Variants in ANXA11 observed in about 807,000 individuals in gnomAD.
The protein encoded by ANXA11 is annexin A11.
Under a neutral mutation model 64.7 loss-of-function variants are expected in ANXA11, and 57 were observed. The ratio of observed to expected loss-of-function variants is 0.88; its 90% confidence interval spans 0.71 to 1.10. The LOEUF is 1.10. Ranked by LOEUF, ANXA11 falls within the 50% of genes least tolerant of loss-of-function variation. ANXA11 has a pLI of 0.00. For missense variants in ANXA11, 675 were observed against 670.7 expected (o/e 1.01, Z -0.07); for synonymous variants, 260 against 265.2 (o/e 0.98, Z 0.19).
intron 12 of ANXA11, among the ~76,000 whole-genome samples, chr10:80,160,428 G>A (rs910947703): frequency 2.6e-5 from 4 of 152,152 alleles, no homozygotes; most frequent in African/African-American, 9.7e-5. Flanking sequence ...TCACAGCTGC[G>A]AATGGGGAGA....
intron 1 of ANXA11, among the ~76,000 whole-genome samples, chr10:80,195,512 G>A (rs1259810646): frequency 6.6e-6 from 1 of 152,182 alleles, no homozygotes; most frequent in East Asian, 1.9e-4. Flanking sequence ...ATGGAGAGAA[G>A]CACAAAAAAT....
rs781488814 is a variant in ANXA11 at position 80,162,076 on chromosome 10, C to T, written c.1087-48G>A. Reference sequence around the variant, plus strand: ...ATGTGGCACAGGCCACACCCAGACCCCAGGCCCAGGTCACCCAGGAGAGCC... The same window carrying T: ...ATGTGGCACAGGCCACACCCAGACCTCAGGCCCAGGTCACCCAGGAGAGCC... On this transcript the variant is annotated intron_variant, in intron 11 of 15. Coordinates refer to ENST00000422982, the MANE Select transcript of ANXA11 (RefSeq NM_145868.2). 1.0e-5 allele frequency: 15 copies of T among 1,496,064 alleles called. No individual in the cohort carries two copies. The Admixed American group carries it at 2.1e-4, about 21-fold the overall frequency. 92.7% of individuals were successfully genotyped at this position (1,496,064 alleles called of 1,614,324 possible).
At chr10:80,158,127 C>T in intron 13 of ANXA11, 102 bp from the exon 14 acceptor site, 1 of 1,016,470 alleles carries the variant, frequency 9.8e-7, no homozygotes, top group Non-Finnish European at 1.5e-6. Flanking sequence ...GATGTCAAAC[C>T]CATCACTGCA....
At chr10:80,200,351 C>T (rs1009186409) in intron 1 of ANXA11, among the ~76,000 whole-genome samples, 3 of 152,184 alleles carry the variant, frequency 2.0e-5, no homozygotes, top group Non-Finnish European at 2.9e-5. Flanking sequence ...AATTTTAAGA[C>T]TGTAAAGAAA....
chr10:80,166,832 G>A, intron 7 of ANXA11, 58 bp downstream of exon 7: 1 of 1,323,992 alleles, frequency 7.6e-7, no homozygotes. Context: ...GGGGAGAGCA[G>A]GGCTGTGCTG....
chr10:80,166,016 G>T, intron 8 of ANXA11, 68 bp downstream of exon 8: 1 of 998,470 alleles, frequency 1.0e-6, no homozygotes, highest in Non-Finnish European at 1.5e-6. Flanking sequence ...GTGTCCACAC[G>T]CATGCGCGCG....
In ANXA11 at chr10:80,170,868, G is replaced by C. The variant is rs147346614; in HGVS notation, c.103C>G (p.Pro35Ala). 52 of 1,551,138 alleles carry C rather than the reference G, an allele frequency of 3.4e-5. 1 individual carries two copies. The African/African-American group carries it at 5.8e-4, about 17-fold the overall frequency. ...GAAYPPPPSM[P>A]PIGLDNVATY... The stretch of plus-strand genomic sequence containing the variant: ...GCCACGTTATCCAGCCCGATGGGGG[G>C]CATGCTGGGCGGAGGAGGGTAGGCA... Residue 35 changes from proline to alanine, a missense_variant, in exon 4 of 16, where the codon CCC (proline) becomes GCC (alanine). Pro to Ala is a conservative substitution (Grantham distance 27). Coordinates refer to ENST00000422982, the MANE Select transcript of ANXA11 (RefSeq NM_145868.2).
chr10:80,171,947 T>C, intron 3 of ANXA11: 1 of 982,926 alleles, frequency 1.0e-6, no homozygotes, highest in Non-Finnish European at 1.2e-6. Context: ...GGACAGCAGC[T>C]GAGCCACCTC....
intron 1 of ANXA11, among the ~76,000 whole-genome samples, chr10:80,184,019 G>A (rs1319212101): frequency 4.6e-5 from 7 of 152,128 alleles, no homozygotes; most frequent in Non-Finnish European, 1.0e-4. Flanking sequence ...AATAATGGTC[G>A]ACTTTTTTCA....
chr10:80,188,760 A>G (rs1846649308), intron 1 of ANXA11, among the ~76,000 whole-genome samples: 2 of 152,168 alleles, frequency 1.3e-5, no homozygotes, highest in Non-Finnish European at 2.9e-5. Context: ...GGACACAGTT[A>G]TCTTCACTCT....
At chr10:80,202,956 G>A (rs1304163134) in intron 1 of ANXA11, among the ~76,000 whole-genome samples, 1 of 146,216 alleles carries the variant, frequency 6.8e-6, no homozygotes, top group Non-Finnish European at 1.5e-5. Flanking sequence ...CAAGGGAGGA[G>A]AATCATTTAA....
At chr10:80,157,239 C>T in intron 15 of ANXA11, 1 of 985,406 alleles carries the variant, frequency 1.0e-6, no homozygotes, top group Non-Finnish European at 1.2e-6. Context: ...TCTGAACGGC[C>T]TTACTATGTG....
At chr10:80,201,535 C>A (rs1035457841) in intron 1 of ANXA11, among the ~76,000 whole-genome samples, 2 of 152,168 alleles carry the variant, frequency 1.3e-5, no homozygotes, top group Non-Finnish European at 2.9e-5. Context: ...TCTTCATCCT[C>A]CAAACCTGGT....
rs371827409 is a variant in ANXA11 at position 80,166,880 on chromosome 10, C to T, written c.744+10G>A. 7.3e-5 allele frequency: 116 copies of T among 1,597,052 alleles called. No homozygotes were observed. The highest frequency in any genetic ancestry group is 9.4e-5 in the African/African-American group (7 of 74,460). On this transcript the variant is annotated intron_variant, in intron 7 of 15. Transcript: ENST00000422982. Reference sequence around the variant, plus strand: ...GCCTCACTGTCCCGCGCCCCCACCCCGCAGCTCGCCTTGCCGTAAGCCGTC... The same window carrying T: ...GCCTCACTGTCCCGCGCCCCCACCCTGCAGCTCGCCTTGCCGTAAGCCGTC...
rs552896376 is a variant in ANXA11 at position 80,163,267 on chromosome 10, C to G, written c.1086+82G>C. The G allele has an allele frequency of 3.7e-5, 57 of 1,520,578 alleles. No individual in the cohort carries two copies. In the South Asian group the frequency reaches 5.6e-4, roughly 15 times the overall value. 94.2% of individuals were successfully genotyped at this position (1,520,578 alleles called of 1,614,324 possible). On this transcript the variant is annotated intron_variant, in intron 11 of 15. Coordinates refer to ENST00000422982, the MANE Select transcript of ANXA11 (RefSeq NM_145868.2). Reference sequence around the variant, plus strand: ...ACTGCTTATCTATTGTTCTTTCCACCCTAGGGTACCTCTCTCAGGAAGCAA... The same window carrying G: ...ACTGCTTATCTATTGTTCTTTCCACGCTAGGGTACCTCTCTCAGGAAGCAA...
Position 80,170,964 on chromosome 10 carries a change from C to CG in ANXA11, c.56-50dup, listed in dbSNP as rs1845949659. Reference sequence around the variant, plus strand: ...AGCCCCCTGCCAGTCCCCCACCACACGGGGAAAGGCAGAGATGAGAGCTCC... The same window carrying CG: ...AGCCCCCTGCCAGTCCCCCACCACACGGGGGAAAGGCAGAGATGAGAGCTCC... On this transcript the variant is annotated intron_variant, in intron 3 of 15. Coordinates refer to ENST00000422982, the MANE Select transcript of ANXA11 (RefSeq NM_145868.2). 3.9e-6 allele frequency: 6 copies of CG among 1,549,598 alleles called. No individual in the cohort carries two copies. In the East Asian group the frequency reaches 1.2e-4, roughly 31 times the overall value.
intron 13 of ANXA11, among the ~76,000 whole-genome samples, chr10:80,158,493 A>T (rs1845369173): frequency 6.6e-6 from 1 of 152,128 alleles, no homozygotes; most frequent in African/African-American, 2.4e-5. Flanking sequence ...AGGATTTTCC[A>T]TCTCTCCCAT....
chr10:80,166,391 G>A (rs1362356456), intron 7 of ANXA11, 194 bp from the exon 8 acceptor site: 2 of 553,688 alleles, frequency 3.6e-6, no homozygotes, highest in Non-Finnish European at 6.4e-6. Context: ...ATTTTACCAA[G>A]ATGCCCAGGG....
chr10:80,156,462 C>T (rs1307748197), intron 15 of ANXA11: 4 of 471,712 alleles, frequency 8.5e-6, no homozygotes, highest in South Asian at 6.2e-5. Context: ...GTGGCTTCTT[C>T]CAGATGTCCA....
Sources: allele counts gnomAD v4.1 joint callset (sites outside exome capture counted in the v4.1 genomes callset), GRCh38; gene constraint gnomAD v4.1.1; transcripts MANE v1.5; gene names NCBI Gene and HGNC (gene_info 2026-07-23, HGNC 2026-07-21).